PCED1B: variants seen among roughly 807,000 people sequenced by gnomAD.
PCED1B encodes PC-esterase domain containing 1B, also known as PC-esterase domain-containing protein 1B.
For synonymous variants in PCED1B, 251 were observed against 246.1 expected (o/e 1.02, Z -0.19); for missense variants, 573 against 573.9 (o/e 1.00, Z 0.02).
chr12:47,134,063 A>T (rs1592182708), intron 2 of PCED1B, among the ~76,000 whole-genome samples: 1 of 152,190 alleles, frequency 6.6e-6, no homozygotes. Context: ...CACCCAGTCT[A>T]TGGCACTTTG....
chr12:47,209,521 G>A (rs1464367445), intron 2 of PCED1B: 1 of 152,188 alleles, frequency 6.6e-6, no homozygotes, highest in African/African-American at 2.4e-5. Context: ...ACATGAATAT[G>A]TAACACCTGG....
At chr12:47,148,472 G>A (rs1282521993) in intron 2 of PCED1B, among the ~76,000 whole-genome samples, 1 of 152,140 alleles carries the variant, frequency 6.6e-6, no homozygotes, top group East Asian at 1.9e-4. Flanking sequence ...TATAGGGCAG[G>A]AAACCAAAGG....
At chr12:47,152,937 A>AAAAAT (rs1565570475) in intron 2 of PCED1B, among the ~76,000 whole-genome samples, 3 of 152,168 alleles carry the variant, frequency 2.0e-5, no homozygotes, top group African/African-American at 4.8e-5. Flanking sequence ...TCCGTATCAA[A>AAAAAT]AAAATAAAAT....
At chr12:47,230,910 A>G (rs1943786719) in intron 3 of PCED1B, among the ~76,000 whole-genome samples, 1 of 152,230 alleles carries the variant, frequency 6.6e-6, no homozygotes, top group Admixed American at 6.5e-5. Flanking sequence ...GTTAGGCATT[A>G]TTACAAACAG....
chr12:47,230,507 G>T (rs1247516972), intron 3 of PCED1B, among the ~76,000 whole-genome samples: 1 of 151,614 alleles, frequency 6.6e-6, no homozygotes, highest in Non-Finnish European at 1.5e-5. Context: ...GCAGTGGTGC[G>T]ATCTCAGCTC....
chr12:47,214,303 T>C (rs2137786672), intron 2 of PCED1B, among the ~76,000 whole-genome samples: 1 of 152,278 alleles, frequency 6.6e-6, no homozygotes, highest in Non-Finnish European at 1.5e-5. Context: ...GAAAGACAAT[T>C]ATGTCACATT....
intron 2 of PCED1B, among the ~76,000 whole-genome samples, chr12:47,173,298 G>C (rs1184065293): frequency 2.0e-5 from 3 of 152,204 alleles, no homozygotes; most frequent in African/African-American, 7.2e-5. Context: ...TCTATTGCCA[G>C]ACTGGAGTGC....
At chr12:47,218,093 A>G (rs181176187) in intron 3 of PCED1B, among the ~76,000 whole-genome samples, 8 of 152,352 alleles carry the variant, frequency 5.3e-5, no homozygotes, top group Non-Finnish European at 1.2e-4. Flanking sequence ...GAGTTTACAC[A>G]GCATTTCATT....
intron 2 of PCED1B, among the ~76,000 whole-genome samples, chr12:47,193,265 G>A (rs1330123038): frequency 1.3e-5 from 2 of 152,208 alleles, no homozygotes; most frequent in East Asian, 1.9e-4. Flanking sequence ...GAAGTACAAA[G>A]TGAGACCGGA....
At chr12:47,148,689 T>C (rs1323029891) in intron 2 of PCED1B, among the ~76,000 whole-genome samples, 3 of 152,190 alleles carry the variant, frequency 2.0e-5, no homozygotes, top group Non-Finnish European at 4.4e-5. Context: ...CAATACTTTG[T>C]CCAGTTGTTC....
intron 2 of PCED1B, among the ~76,000 whole-genome samples, chr12:47,115,232 C>T (rs973721981): frequency 2.6e-5 from 4 of 152,210 alleles, no homozygotes; most frequent in Non-Finnish European, 4.4e-5. Context: ...GGGGGAATTA[C>T]GGTGGTAAAC....
chr12:47,215,918 G>C (rs1344193886), intron 2 of PCED1B, among the ~76,000 whole-genome samples: 2 of 152,040 alleles, frequency 1.3e-5, no homozygotes, highest in East Asian at 3.9e-4. Flanking sequence ...GCCGGGTGTG[G>C]TGGTGGGTGC....
chr12:47,122,147 T>TGGTGG (rs1461366034), intron 2 of PCED1B, among the ~76,000 whole-genome samples: 10 of 152,122 alleles, frequency 6.6e-5, no homozygotes, highest in Non-Finnish European at 1.2e-4. Context: ...AATGGACATT[T>TGGTGG]AATACACAGT....
chr12:47,150,303 C>T (rs1033014213), intron 2 of PCED1B, among the ~76,000 whole-genome samples: 16 of 151,942 alleles, frequency 1.1e-4, no homozygotes, highest in African/African-American at 3.1e-4. Context: ...AGGCCGGGCG[C>T]GGTGGCTCAA....
At chr12:47,199,320 A>C (rs1402780919) in intron 2 of PCED1B, among the ~76,000 whole-genome samples, 1 of 152,232 alleles carries the variant, frequency 6.6e-6, no homozygotes, top group Non-Finnish European at 1.5e-5. Flanking sequence ...GTTATTCCTG[A>C]TAACTTGATC....
At chr12:47,093,103 T>C (rs550200412) in intron 1 of PCED1B, among the ~76,000 whole-genome samples, 1 of 152,022 alleles carries the variant, frequency 6.6e-6, no homozygotes, top group Non-Finnish European at 1.5e-5. Context: ...AATTCACTGA[T>C]AAACTATCTG....
intron 2 of PCED1B, chr12:47,206,376 C>T (rs868515459): frequency 6.3e-4 from 96 of 152,212 alleles, no homozygotes; most frequent in African/African-American, 2.2e-3. Flanking sequence ...CAGCCTATGC[C>T]CAGGAATGAA....
At chr12:47,144,541 T>A (rs1453265786) in intron 2 of PCED1B, among the ~76,000 whole-genome samples, 1 of 152,200 alleles carries the variant, frequency 6.6e-6, no homozygotes, top group Non-Finnish European at 1.5e-5. Flanking sequence ...TTTATAGTCA[T>A]ACATTGCATT....
intron 2 of PCED1B, among the ~76,000 whole-genome samples, chr12:47,133,319 A>C (rs1940208695): frequency 6.6e-6 from 1 of 152,202 alleles, no homozygotes; most frequent in Admixed American, 6.5e-5. Flanking sequence ...TTCTGTCCCT[A>C]TCCTAGAAGG....
Sources: allele counts gnomAD v4.1 joint callset (sites outside exome capture counted in the v4.1 genomes callset), GRCh38; gene constraint gnomAD v4.1.1; transcripts MANE v1.5; gene names NCBI Gene and HGNC (gene_info 2026-07-23, HGNC 2026-07-21).